Variants in SMAP1 observed in about 807,000 individuals in gnomAD.
SMAP1 encodes the protein small ArfGAP 1.
In SMAP1, 24 loss-of-function variants were observed where a neutral mutation model predicts 58.5. The observed-to-expected ratio is 0.41, with a 90% CI of 0.30 to 0.58. The LOEUF (loss-of-function observed/expected upper bound fraction) is 0.58, where lower values mean the gene tolerates loss of function less well. SMAP1 is among the 20% of genes least tolerant of loss of function. The probability of loss-of-function intolerance (pLI) is 0.29; values close to 1 mark genes in which losing one functional copy is unlikely to be tolerated. For synonymous variants in SMAP1, 216 were observed against 196.6 expected, an observed-to-expected ratio of 1.10 and a Z score of -0.82; for missense variants, 563 against 566.3, an observed-to-expected ratio of 0.99 and a Z score of 0.06.
chr6:70,789,751 G>C (rs1337507621), intron 4 of SMAP1, among the ~76,000 whole-genome samples: 2 of 147,482 alleles, frequency 1.4e-5, no homozygotes, highest in Admixed American at 1.4e-4. Flanking sequence ...AAAAAAAGTG[G>C]TTACTGAAAT....
Position 70,860,187 on chromosome 6 carries a change from A to G in SMAP1, c.1270-13A>G, listed in dbSNP as rs188532005. ...GTAAGCCTCTTGAACTAAGCCTTTT[A>G]TATGTTTCACAGATGAATCAGCAGA... On this transcript the variant is annotated splice_polypyrimidine_tract_variant and intron_variant, in intron 10 of 10. Coordinates refer to ENST00000370455, the MANE Select transcript of SMAP1 (RefSeq NM_001044305.3). 11 of 1,598,722 alleles carry G rather than the reference A, an allele frequency of 6.9e-6. No homozygotes were observed. In the East Asian group the frequency reaches 1.8e-4, roughly 26 times the overall value.
intron 6 of SMAP1, among the ~76,000 whole-genome samples, chr6:70,820,483 G>A (rs1465383433): frequency 6.6e-6 from 1 of 152,048 alleles, no homozygotes; most frequent in Non-Finnish European, 1.5e-5. Context: ...AGGCCGAGGC[G>A]GGCGGATCAT....
chr6:70,762,448 G>T (rs1766791083), intron 3 of SMAP1, among the ~76,000 whole-genome samples: 1 of 152,050 alleles, frequency 6.6e-6, no homozygotes, highest in Middle Eastern at 3.2e-3. Context: ...TGTTTCTTTA[G>T]GTGAACTAAC....
At chr6:70,777,162 A>T (rs1166758771) in intron 4 of SMAP1, among the ~76,000 whole-genome samples, 1 of 152,100 alleles carries the variant, frequency 6.6e-6, no homozygotes, top group African/African-American at 2.4e-5. Flanking sequence ...CATCTTTTTG[A>T]TAATAAACCA....
intron 7 of SMAP1, among the ~76,000 whole-genome samples, chr6:70,837,274 G>A (rs751172322): frequency 1.3e-5 from 2 of 152,162 alleles, no homozygotes; most frequent in African/African-American, 4.8e-5. Flanking sequence ...AGATATCAAA[G>A]TAATCTTCAA....
At chr6:70,796,857 A>G (rs1241981241) in intron 5 of SMAP1, among the ~76,000 whole-genome samples, 1 of 152,210 alleles carries the variant, frequency 6.6e-6, no homozygotes, top group East Asian at 1.9e-4. Context: ...CCTGAACAGC[A>G]TTATTGAAAC....
intron 1 of SMAP1, among the ~76,000 whole-genome samples, chr6:70,726,747 A>G (rs763230088): frequency 3.9e-5 from 6 of 152,100 alleles, no homozygotes; most frequent in Non-Finnish European, 7.4e-5. Context: ...TGTCTTTTAC[A>G]CTATTTATAC....
intron 6 of SMAP1, among the ~76,000 whole-genome samples, chr6:70,802,942 A>G (rs1355404224): frequency 2.6e-5 from 4 of 152,206 alleles, no homozygotes; most frequent in Admixed American, 6.5e-5. Context: ...ATCGATGTTC[A>G]TCAGGGATAT....
intron 2 of SMAP1, among the ~76,000 whole-genome samples, chr6:70,750,246 T>G (rs970920026): frequency 1.5e-4 from 23 of 152,216 alleles, no homozygotes; most frequent in African/African-American, 5.5e-4. Context: ...AAAAAATATT[T>G]ACAGTACTGT....
intron 2 of SMAP1, among the ~76,000 whole-genome samples, chr6:70,750,323 A>T (rs1255518457): frequency 2.6e-5 from 4 of 152,134 alleles, no homozygotes; most frequent in African/African-American, 9.7e-5. Flanking sequence ...CTTTCTTTTT[A>T]TCTATTCCCA....
intron 3 of SMAP1, among the ~76,000 whole-genome samples, chr6:70,762,092 A>G (rs1011222543): frequency 6.6e-6 from 1 of 152,110 alleles, no homozygotes; most frequent in Non-Finnish European, 1.5e-5. Flanking sequence ...CATATAATGC[A>G]AAACTATGGT....
intron 6 of SMAP1, among the ~76,000 whole-genome samples, chr6:70,820,830 T>C (rs1769856284): frequency 6.6e-6 from 1 of 152,236 alleles, no homozygotes; most frequent in Non-Finnish European, 1.5e-5. Flanking sequence ...GCAGAGTGTG[T>C]TGATTTGCTT....
At position 70,861,608 on chromosome 6, in the gene SMAP1, TC is replaced by T. The variant is rs1771730975; in HGVS notation, c.*1276del. The T allele has an allele frequency of 1.1e-5, 16 of 1,515,632 alleles. No individual in the cohort carries two copies. Among genetic ancestry groups the T allele is most frequent in the Non-Finnish European group, 1.5e-5 (16 of 1,097,266 alleles). The allele number at this position is 1,515,632 out of a possible 1,614,324, so 93.9% of individuals were successfully genotyped here. A position where few individuals can be genotyped will look rare whatever the true frequency, so the allele number is the denominator to read the frequency against. On this transcript the variant is annotated 3_prime_UTR_variant, in exon 11 of 11. Transcript: ENST00000370455. ...TGCTCTGTAGCCTAAACTCCAAACA[TC>T]CTCTTCCATATGGATCCACTGGCTG...
intron 7 of SMAP1, among the ~76,000 whole-genome samples, chr6:70,846,835 A>T (rs1771007450): frequency 6.6e-6 from 1 of 152,094 alleles, no homozygotes; most frequent in Non-Finnish European, 1.5e-5. Context: ...CATTTCTCAA[A>T]CTGGTTATAG....
intron 2 of SMAP1, among the ~76,000 whole-genome samples, chr6:70,745,043 G>GT (rs1765970920): frequency 1.3e-5 from 2 of 152,146 alleles, no homozygotes; most frequent in Non-Finnish European, 2.9e-5. Context: ...TTGTAAATTT[G>GT]TTTGAGTTCT....
intron 1 of SMAP1, among the ~76,000 whole-genome samples, chr6:70,728,127 A>G (rs1469007771): frequency 6.6e-6 from 1 of 152,186 alleles, no homozygotes; most frequent in Admixed American, 6.5e-5. Context: ...TGGTCTGGAC[A>G]TGAACTGTCC....
At chr6:70,783,350 GA>G (rs1049812206) in intron 4 of SMAP1, among the ~76,000 whole-genome samples, 1 of 152,090 alleles carries the variant, frequency 6.6e-6, no homozygotes, top group Non-Finnish European at 1.5e-5. Context: ...CAAAGATGGG[GA>G]AAAAACAGAG....
chr6:70,836,215 C>T (rs1408006158), intron 6 of SMAP1, among the ~76,000 whole-genome samples: 2 of 152,260 alleles, frequency 1.3e-5, no homozygotes. Context: ...ATTGGACTCT[C>T]AGTTCCATGT....
chr6:70,752,884 A>G (rs1275974280), intron 2 of SMAP1, among the ~76,000 whole-genome samples: 1 of 152,140 alleles, frequency 6.6e-6, no homozygotes, highest in Non-Finnish European at 1.5e-5. Context: ...AAACACATCC[A>G]TGCACTTTTA....
Sources: allele counts gnomAD v4.1 joint callset (sites outside exome capture counted in the v4.1 genomes callset), GRCh38; gene constraint gnomAD v4.1.1; transcripts MANE v1.5; gene names NCBI Gene and HGNC (gene_info 2026-07-23, HGNC 2026-07-21).